The following ZNRF2 variants were observed in gnomAD, a reference collection of about 807,000 sequenced individuals.
The protein encoded by ZNRF2 is zinc and ring finger 2, also known as E3 ubiquitin-protein ligase ZNRF2.
ZNRF2 carries 16 observed loss-of-function variants against 20.4 expected under a neutral mutation model. The ratio of observed to expected loss-of-function variants is 0.79; its 90% CI spans 0.53 to 1.19. ZNRF2 has a LOEUF of 1.19. ZNRF2 is among the 50% of genes most tolerant of loss of function. ZNRF2 has a pLI of 0.00. For synonymous variants in ZNRF2, 178 were observed against 144.9 expected (o/e 1.23, Z -1.64); for missense variants, 363 against 332.4 (o/e 1.09, Z -0.72).
At chr7:30,318,496 G>A (rs1799412410) in intron 1 of ZNRF2, among the ~76,000 whole-genome samples, 1 of 152,138 alleles carries the variant, frequency 6.6e-6, no homozygotes, top group African/African-American at 2.4e-5. Flanking sequence ...TAACAGATCT[G>A]ACTTGGTGGT....
At chr7:30,341,289 G>T (rs1390640171) in intron 2 of ZNRF2, among the ~76,000 whole-genome samples, 2 of 151,828 alleles carry the variant, frequency 1.3e-5, no homozygotes, top group African/African-American at 4.8e-5. Flanking sequence ...TTTTGAATTT[G>T]TTTGCTCTTG....
In ZNRF2 at chr7:30,362,398, A is replaced by C; in HGVS notation, c.693A>C (p.Glu231Asp). ...CTAGCTGCATAGATGAATGGTTTGA[A>C]GTAAATAGATCTTGCCCTGAGCACC... ...YHKGCIDEWF[E>D]VNRSCPEHPS... is the part of the protein sequence containing the mutation. The change falls in exon 4 of 5, where the codon GAA becomes GAC. Residue 231 changes from glutamate (E) to aspartate (D), a missense_variant. By Grantham distance (45) the Glu-to-Asp change is conservative (BLOSUM62 2). This residue lies in a region of ZNRF2 where 61 missense variants were observed against 100.9 expected (regional missense o/e 0.60). Transcript: ENST00000323037. The C allele has an allele frequency of 6.3e-7, 1 of 1,592,242 alleles. No homozygotes were observed.
intron 1 of ZNRF2, among the ~76,000 whole-genome samples, chr7:30,296,053 T>C (rs1255119279): frequency 6.6e-6 from 1 of 152,242 alleles, no homozygotes; most frequent in Non-Finnish European, 1.5e-5. Flanking sequence ...GTAAAAACTT[T>C]GTAAATATTG....
intron 1 of ZNRF2, among the ~76,000 whole-genome samples, chr7:30,310,825 T>G (rs1271222537): frequency 6.6e-6 from 1 of 152,034 alleles, no homozygotes; most frequent in African/African-American, 2.4e-5. Context: ...AGGAGATTCG[T>G]TCCTTGTCTA....
intron 1 of ZNRF2, among the ~76,000 whole-genome samples, chr7:30,288,428 G>A: frequency 6.6e-6 from 1 of 152,170 alleles, no homozygotes; most frequent in East Asian, 1.9e-4. Context: ...GAGCTCTCAT[G>A]TAATTTATAG....
intron 1 of ZNRF2, among the ~76,000 whole-genome samples, chr7:30,318,474 TTC>T (rs1365740191): frequency 1.3e-5 from 2 of 152,230 alleles, no homozygotes; most frequent in Non-Finnish European, 2.9e-5. Context: ...GGCCTTCATC[TTC>T]TGTCATGCCT....
chr7:30,294,419 T>C (rs1234132915), intron 1 of ZNRF2, among the ~76,000 whole-genome samples: 1 of 152,216 alleles, frequency 6.6e-6, no homozygotes, highest in Non-Finnish European at 1.5e-5. Flanking sequence ...TTGGAAGTTA[T>C]TTTAAAGTGT....
intron 1 of ZNRF2, among the ~76,000 whole-genome samples, chr7:30,321,133 G>A (rs1799462977): frequency 6.6e-6 from 1 of 151,792 alleles, no homozygotes; most frequent in Non-Finnish European, 1.5e-5. Context: ...TGTTGTTGTT[G>A]TTTTCCCCAC....
chr7:30,287,444 T>C (rs1798812056), intron 1 of ZNRF2, among the ~76,000 whole-genome samples: 1 of 152,272 alleles, frequency 6.6e-6, no homozygotes, highest in Admixed American at 6.5e-5. Context: ...TTATTTAATA[T>C]GCTGATTTCT....
At chr7:30,324,353 G>A (rs894261794) in intron 2 of ZNRF2, among the ~76,000 whole-genome samples, 1 of 150,512 alleles carries the variant, frequency 6.6e-6, no homozygotes, top group Non-Finnish European at 1.5e-5. Flanking sequence ...GGCCAACATG[G>A]TGAAACCCCA....
chr7:30,348,300 T>C (rs999344106), intron 2 of ZNRF2, among the ~76,000 whole-genome samples: 3 of 152,198 alleles, frequency 2.0e-5, no homozygotes, highest in African/African-American at 7.2e-5. Context: ...CATTGGCTCT[T>C]CACTTGTTGC....
At chr7:30,344,051 C>G (rs1483700095) in intron 2 of ZNRF2, among the ~76,000 whole-genome samples, 2 of 151,328 alleles carry the variant, frequency 1.3e-5, no homozygotes, top group Non-Finnish European at 2.9e-5. Flanking sequence ...TCCCGAATAG[C>G]TGGGATTACA....
intron 2 of ZNRF2, among the ~76,000 whole-genome samples, chr7:30,347,492 C>T (rs907035831): frequency 2.0e-5 from 3 of 152,058 alleles, no homozygotes; most frequent in Non-Finnish European, 4.4e-5. Context: ...TTGACCAAGT[C>T]CAGTGAAAAG....
chr7:30,308,952 G>A (rs1377121784), intron 1 of ZNRF2, among the ~76,000 whole-genome samples: 1 of 151,982 alleles, frequency 6.6e-6, no homozygotes, highest in East Asian at 1.9e-4. Flanking sequence ...TCCACATTCA[G>A]TGTTCATTAT....
At chr7:30,322,970 A>G (rs565482005) in intron 1 of ZNRF2, among the ~76,000 whole-genome samples, 2 of 152,344 alleles carry the variant, frequency 1.3e-5, no homozygotes, top group East Asian at 3.9e-4. Flanking sequence ...AATACTTAGT[A>G]GTGCAGATTG....
Position 30,367,472 on chromosome 7 carries a change from A to G in ZNRF2, c.*1460A>G, listed in dbSNP as rs1800233980. ...TGGTATAATTTAAAGTTGCACAGTA[A>G]GTACTGTTTCCTTATTTTAATCTTT... On this transcript the variant is annotated 3_prime_UTR_variant, in exon 5 of 5. Transcript: ENST00000323037. 1 of 152,294 alleles carries G rather than the reference A, an allele frequency of 6.6e-6. No individual in the cohort carries two copies. The highest frequency in any genetic ancestry group is 6.6e-5 in the Admixed American group (1 of 15,248). 9.4% of individuals were successfully genotyped at this position (152,294 alleles called of 1,614,324 possible). A position where few individuals can be genotyped will look rare whatever the true frequency, so the allele number is the denominator to read the frequency against.
chr7:30,322,075 C>T (rs1660926595), intron 1 of ZNRF2, among the ~76,000 whole-genome samples: 1 of 151,708 alleles, frequency 6.6e-6, no homozygotes, highest in African/African-American at 2.4e-5. Flanking sequence ...TGTGTTGGGC[C>T]ACATTAGGCC....
At chr7:30,316,696 C>T (rs2128061564) in intron 1 of ZNRF2, among the ~76,000 whole-genome samples, 1 of 152,248 alleles carries the variant, frequency 6.6e-6, no homozygotes, top group South Asian at 2.1e-4. Flanking sequence ...GGTGTTTCCT[C>T]TTTGGCCTCT....
intron 2 of ZNRF2, among the ~76,000 whole-genome samples, chr7:30,346,355 G>A (rs1479058460): frequency 6.6e-6 from 1 of 151,378 alleles, no homozygotes; most frequent in Non-Finnish European, 1.5e-5. Context: ...CACCACGCCT[G>A]GCTAATTTTT....
Sources: gnomAD v4.1 joint callset for allele counts (sites outside exome capture counted in the v4.1 genomes callset) on GRCh38, gnomAD v4.1.1 for gene constraint, gnomAD v4.1.1 regional missense constraint, MANE v1.5 for transcripts, NCBI Gene and HGNC (gene_info 2026-07-23, HGNC 2026-07-21) for gene names.